The following GSPT1 variants were observed in gnomAD, a reference collection of about 807,000 sequenced individuals.
GSPT1 encodes the protein G1 to S phase transition 1.
Under a neutral mutation model 72.5 loss-of-function variants are expected in GSPT1, and 20 were observed. That is an observed-to-expected ratio of 0.28 (90% CI 0.19 to 0.40). The LOEUF is 0.40. GSPT1 is among the 10% of genes least tolerant of loss of function. The pLI, the probability that GSPT1 is intolerant of heterozygous loss-of-function variation, is 1.00. For missense variants in GSPT1, 580 were observed against 811.9 expected (o/e 0.71, Z 3.47); for synonymous variants, 334 against 293.5 (o/e 1.14, Z -1.41).
intron 1 of GSPT1, among the ~76,000 whole-genome samples, chr16:11,914,257 A>T (rs1433208682): frequency 6.6e-6 from 1 of 152,190 alleles, no homozygotes; most frequent in African/African-American, 2.4e-5. Flanking sequence ...AAGTTCACTC[A>T]TTTGACATTC....
At chr16:11,910,339 C>T (rs960157847) in intron 1 of GSPT1, among the ~76,000 whole-genome samples, 1 of 152,174 alleles carries the variant, frequency 6.6e-6, no homozygotes, top group African/African-American at 2.4e-5. Flanking sequence ...GCTCACTTAC[C>T]ACACTGTGAC....
At chr16:11,887,327 G>A (rs1400464792) in intron 7 of GSPT1, among the ~76,000 whole-genome samples, 1 of 152,062 alleles carries the variant, frequency 6.6e-6, no homozygotes, top group Non-Finnish European at 1.5e-5. Flanking sequence ...ATTTAATGGA[G>A]ACTAAGTTCT....
In GSPT1 at chr16:11,896,496, C is replaced by G; in HGVS notation, c.664+62G>C. The G allele has an allele frequency of 3.4e-6, 3 of 883,680 alleles. No homozygotes were observed. The South Asian group carries it at 4.6e-5, about 14-fold the overall frequency. 54.7% of individuals were successfully genotyped at this position (883,680 alleles called of 1,614,324 possible). A position where few individuals can be genotyped will look rare whatever the true frequency, so the allele number is the denominator to read the frequency against. ...AGTTTCACTAAACATCTCCAGGTAGCTAAAAAGGATGTTCTATGTTTTATG... is the reference window on the plus strand; with the variant it reads ...AGTTTCACTAAACATCTCCAGGTAGGTAAAAAGGATGTTCTATGTTTTATG... On this transcript the variant is annotated intron_variant, in intron 4 of 14. Coordinates refer to ENST00000434724, the MANE Select transcript of GSPT1 (RefSeq NM_002094.4).
intron 1 of GSPT1, among the ~76,000 whole-genome samples, chr16:11,910,795 G>A (rs1489712426): frequency 6.6e-6 from 1 of 152,192 alleles, no homozygotes; most frequent in Non-Finnish European, 1.5e-5. Flanking sequence ...AATAAGATAT[G>A]TACTGACAGC....
intron 14 of GSPT1, among the ~76,000 whole-genome samples, chr16:11,874,264 TTA>T (rs2054012259): frequency 6.6e-6 from 1 of 152,082 alleles, no homozygotes; most frequent in Non-Finnish European, 1.5e-5. Flanking sequence ...CAATTTCATA[TTA>T]TGGAAATTGT....
chr16:11,914,228 C>G (rs972542255), intron 1 of GSPT1, among the ~76,000 whole-genome samples: 4 of 152,104 alleles, frequency 2.6e-5, no homozygotes, highest in African/African-American at 9.7e-5. Flanking sequence ...AAATAAGCAC[C>G]ATTAGGAAGA....
chr16:11,892,519 A>AT (rs1555504706), intron 5 of GSPT1, among the ~76,000 whole-genome samples: 2 of 142,696 alleles, frequency 1.4e-5, no homozygotes, highest in African/African-American at 5.6e-5. Context: ...AAAAACAAAA[A>AT]AAACAAAAAA....
intron 1 of GSPT1, among the ~76,000 whole-genome samples, chr16:11,909,115 C>A (rs887713174): frequency 1.3e-5 from 2 of 151,500 alleles, no homozygotes; most frequent in African/African-American, 4.9e-5. Context: ...AGTGAAGCGA[C>A]ATACAATTAC....
intron 1 of GSPT1, among the ~76,000 whole-genome samples, chr16:11,914,151 A>G (rs2054594785): frequency 6.6e-6 from 1 of 152,226 alleles, no homozygotes; most frequent in South Asian, 2.1e-4. Context: ...TGGCTAAATG[A>G]TGAAAGGACG....
At chr16:11,876,605 G>A (rs145785303) in intron 12 of GSPT1, among the ~76,000 whole-genome samples, 2 of 152,118 alleles carry the variant, frequency 1.3e-5, no homozygotes, top group Admixed American at 6.6e-5. Flanking sequence ...TCAGCCAGGC[G>A]TGGTGGTGGG....
At chr16:11,911,739 G>C (rs1442565336) in intron 1 of GSPT1, among the ~76,000 whole-genome samples, 1 of 151,034 alleles carries the variant, frequency 6.6e-6, no homozygotes, top group African/African-American at 2.4e-5. Context: ...TTTTAATAGA[G>C]ACAGGTTTCG....
chr16:11,871,226 C>T lies in GSPT1; in HGVS notation c.*1893G>A, dbSNP rs2053974743. ...CTGTAGGACAATAACTTTGCTCTGT[C>T]CATAAGATGTAGCCTCATTCAAGAA... is the stretch of plus-strand genomic sequence containing the variant. On this transcript the variant is annotated 3_prime_UTR_variant, in exon 15 of 15. Coordinates refer to ENST00000434724, the MANE Select transcript of GSPT1 (RefSeq NM_002094.4). 1.3e-5 allele frequency: 2 copies of T among 152,132 alleles called. No individual in the cohort carries two copies. The highest frequency in any genetic ancestry group is 2.1e-4 in the South Asian group (1 of 4,828). 9.4% of individuals were successfully genotyped at this position (152,132 alleles called of 1,614,324 possible). A position where few individuals can be genotyped will look rare whatever the true frequency, so the allele number is the denominator to read the frequency against.
chr16:11,870,541 C>T lies in GSPT1; in HGVS notation c.*2578G>A, dbSNP rs2053967206. The T allele has an allele frequency of 6.6e-6, 1 of 152,180 alleles. No individual in the cohort carries two copies. Among genetic ancestry groups the T allele is most frequent in the Non-Finnish European group, 1.5e-5 (1 of 68,036 alleles). 9.4% of individuals were successfully genotyped at this position (152,180 alleles called of 1,614,324 possible). Reference sequence around the variant, plus strand: ...GACCATATAAGCACGTTTGCATTTGCAGAAAACAGAATGACAGCATAGGAA... The same window carrying T: ...GACCATATAAGCACGTTTGCATTTGTAGAAAACAGAATGACAGCATAGGAA... On this transcript the variant is annotated 3_prime_UTR_variant, in exon 15 of 15. Transcript: ENST00000434724.
chr16:11,891,540 G>A (rs928276040), intron 5 of GSPT1, among the ~76,000 whole-genome samples: 2 of 150,880 alleles, frequency 1.3e-5, no homozygotes, highest in African/African-American at 4.9e-5. Flanking sequence ...TTTTGTACTT[G>A]TAGTAAAGAT....
chr16:11,884,320 G>C (rs369818805), intron 10 of GSPT1, among the ~76,000 whole-genome samples: 1 of 152,178 alleles, frequency 6.6e-6, no homozygotes, highest in African/African-American at 2.4e-5. Flanking sequence ...GAGCCCAGCA[G>C]TTACATCTAT....
At chr16:11,900,400 G>C (rs1489711893) in intron 1 of GSPT1, among the ~76,000 whole-genome samples, 1 of 151,826 alleles carries the variant, frequency 6.6e-6, no homozygotes, top group Non-Finnish European at 1.5e-5. Context: ...GGCCAGACAA[G>C]GATAAAAGTA....
chr16:11,916,226 C>G (rs2054635774), upstream of GSPT1: 1 of 347,760 alleles, frequency 2.9e-6, no homozygotes, highest in Admixed American at 4.0e-5. Flanking sequence ...GCAGGCAACG[C>G]GAGGAGGCGG....
intron 1 of GSPT1, among the ~76,000 whole-genome samples, chr16:11,912,916 A>G (rs901006042): frequency 1.3e-5 from 2 of 152,346 alleles, no homozygotes; most frequent in Non-Finnish European, 2.9e-5. Context: ...GTTTTCAAAG[A>G]GATCCAAGGT....
Position 11,874,454 on chromosome 16 carries a change from CTTTTTTTT to C in GSPT1, c.1862-1291_1862-1284del, listed in dbSNP as rs200991035. 4.1e-4 allele frequency among the ~76,000 whole-genome samples: 39 copies of C among 95,890 alleles called. 1 individual carries two copies. The highest frequency in any genetic ancestry group is 6.9e-4 in the Non-Finnish European group (34 of 49,258). 62.9% of individuals were successfully genotyped at this position (95,890 alleles called of 152,430 possible). A position where few individuals can be genotyped will look rare whatever the true frequency, so the allele number is the denominator to read the frequency against. ...GTGGAAAACCTAAAAGCCAAGTTAG[CTTTTTTTT>C]TTTTTTTTTTTTTTTTTTTTTTAAA... On this transcript the variant is annotated intron_variant, in intron 14 of 14. Coordinates refer to ENST00000434724, the MANE Select transcript of GSPT1 (RefSeq NM_002094.4).
Sources: allele counts gnomAD v4.1 joint callset (sites outside exome capture counted in the v4.1 genomes callset), GRCh38; gene constraint gnomAD v4.1.1; transcripts MANE v1.5; gene names NCBI Gene and HGNC (gene_info 2026-07-23, HGNC 2026-07-21).